The following SLC10A7 variants were observed in gnomAD, a reference collection of about 807,000 sequenced individuals.
The protein encoded by SLC10A7 is solute carrier family 10 member 7.
Under a neutral mutation model 43.2 loss-of-function variants are expected in SLC10A7, and 29 were observed. That is an observed-to-expected ratio of 0.67 (90% CI 0.50 to 0.92). The LOEUF (loss-of-function observed/expected upper bound fraction) is 0.92. Among genes scored for constraint, SLC10A7 ranks in the 40% least tolerant of loss-of-function variants. The probability of loss-of-function intolerance (pLI) is 0.00; values close to 1 mark genes in which losing one functional copy is unlikely to be tolerated. For missense variants in SLC10A7, 295 were observed against 403.2 expected, an observed-to-expected ratio of 0.73 and a Z score of 2.30; for synonymous variants, 152 against 144.8, an observed-to-expected ratio of 1.05 and a Z score of -0.35.
At chr4:146,293,105 A>C in intron 8 of SLC10A7, 125 bp from the exon 9 acceptor site, 1 of 570,036 alleles carries the variant, frequency 1.8e-6, no homozygotes, top group Non-Finnish European at 3.0e-6. Context: ...AAATAAACCA[A>C]ACAAGCATGC....
intron 10 of SLC10A7, among the ~76,000 whole-genome samples, chr4:146,272,276 C>T (rs182886518): frequency 1.2e-4 from 19 of 152,258 alleles, no homozygotes; most frequent in Admixed American, 1.1e-3. Flanking sequence ...TGCTCAGCTT[C>T]GGTACAGATG....
chr4:146,344,098 C>T (rs1330479045), intron 5 of SLC10A7, among the ~76,000 whole-genome samples: 2 of 152,016 alleles, frequency 1.3e-5, no homozygotes, highest in Non-Finnish European at 2.9e-5. Flanking sequence ...ATTACTTTAG[C>T]TTCACCTCAC....
chr4:146,428,902 A>C (rs1729570154), intron 5 of SLC10A7, among the ~76,000 whole-genome samples: 1 of 152,168 alleles, frequency 6.6e-6, no homozygotes, highest in African/African-American at 2.4e-5. Flanking sequence ...TCACACTTGT[A>C]GCCATTTTCC....
At chr4:146,412,679 T>C (rs1728282512) in intron 5 of SLC10A7, among the ~76,000 whole-genome samples, 1 of 152,164 alleles carries the variant, frequency 6.6e-6, no homozygotes, top group Admixed American at 6.5e-5. Flanking sequence ...CAATTTTATA[T>C]GGATGATTTA....
intron 9 of SLC10A7, among the ~76,000 whole-genome samples, chr4:146,291,889 T>C (rs565813962): frequency 2.6e-4 from 40 of 152,296 alleles, no homozygotes; most frequent in South Asian, 1.7e-3. Context: ...CACCTCTTAT[T>C]TGTGGCATTC....
chr4:146,410,888 C>G (rs1728139372), intron 5 of SLC10A7, among the ~76,000 whole-genome samples: 1 of 152,046 alleles, frequency 6.6e-6, no homozygotes, highest in African/African-American at 2.4e-5. Context: ...GGCTGGAGTG[C>G]AATGGCATGA....
chr4:146,372,062 A>C (rs1736820956), intron 5 of SLC10A7, among the ~76,000 whole-genome samples: 1 of 152,150 alleles, frequency 6.6e-6, no homozygotes, highest in Non-Finnish European at 1.5e-5. Context: ...ATGCATCAGA[A>C]TCCCTTAGGG....
chr4:146,368,367 T>G (rs6846294), intron 5 of SLC10A7, among the ~76,000 whole-genome samples: 35,183 of 152,066 alleles, frequency 0.23, 4,447 homozygotes, highest in African/African-American at 0.34. Context: ...GAATAAGAGT[T>G]TGAAAGCTTA....
intron 10 of SLC10A7, 63 bp from the exon 11 acceptor site, chr4:146,258,900 A>G: frequency 6.5e-7 from 1 of 1,533,308 alleles, no homozygotes; most frequent in Non-Finnish European, 8.8e-7. Context: ...TTAAATGCAT[A>G]CTCCATCAAA....
chr4:146,290,475 G>T (rs1274257043), intron 9 of SLC10A7, among the ~76,000 whole-genome samples: 1 of 152,172 alleles, frequency 6.6e-6, no homozygotes, highest in Non-Finnish European at 1.5e-5. Flanking sequence ...GGACAGGGCG[G>T]GGAGGGGGTG....
intron 2 of SLC10A7, chr4:146,515,094 C>T (rs1737819943): frequency 1.4e-6 from 1 of 702,130 alleles, no homozygotes; most frequent in East Asian, 2.7e-5. Flanking sequence ...ATTCTTCCTT[C>T]TTCAACTCCT....
chr4:146,345,674 G>A (rs10027135), intron 5 of SLC10A7, among the ~76,000 whole-genome samples: 20,902 of 152,004 alleles, frequency 0.14, 1,486 homozygotes, highest in Non-Finnish European at 0.15. Flanking sequence ...ATTTATTTGT[G>A]TGATTATTTC....
chr4:146,263,482 GA>G (rs899596503), intron 10 of SLC10A7, among the ~76,000 whole-genome samples: 6 of 150,678 alleles, frequency 4.0e-5, no homozygotes, highest in East Asian at 1.9e-4. Context: ...TTGTTAATTA[GA>G]AAAAAAAAGT....
chr4:146,273,086 G>T (rs962851333), intron 10 of SLC10A7, among the ~76,000 whole-genome samples: 6 of 152,114 alleles, frequency 3.9e-5, no homozygotes, highest in Non-Finnish European at 8.8e-5. Context: ...GAAATTAATA[G>T]GAAACTATGG....
chr4:146,326,986 AG>A (rs1339602606), intron 5 of SLC10A7, among the ~76,000 whole-genome samples: 19 of 152,034 alleles, frequency 1.2e-4, no homozygotes, highest in Admixed American at 5.2e-4. Context: ...AGAGAGAGAG[AG>A]AGAGAGAGAC....
intron 2 of SLC10A7, chr4:146,514,502 G>A (rs979461665): frequency 6.6e-6 from 1 of 152,124 alleles, no homozygotes; most frequent in East Asian, 1.9e-4. Flanking sequence ...TAAAACTGAA[G>A]ACTCAGCATT....
At chr4:146,381,566 A>G (rs1436104156) in intron 5 of SLC10A7, among the ~76,000 whole-genome samples, 1 of 152,082 alleles carries the variant, frequency 6.6e-6, no homozygotes. Context: ...CACCCAGCCA[A>G]AGAAAAATCT....
intron 4 of SLC10A7, among the ~76,000 whole-genome samples, chr4:146,480,355 A>G (rs911797875): frequency 1.3e-5 from 2 of 152,132 alleles, no homozygotes; most frequent in African/African-American, 4.8e-5. Context: ...AGTTTGCTGT[A>G]TTTAAAAAAT....
chr4:146,422,353 G>C (rs1729024216), intron 5 of SLC10A7, among the ~76,000 whole-genome samples: 1 of 152,080 alleles, frequency 6.6e-6, no homozygotes, highest in South Asian at 2.1e-4. Flanking sequence ...ACATAATTTA[G>C]AGGCCATACC....
Sources: allele counts gnomAD v4.1 joint callset (sites outside exome capture counted in the v4.1 genomes callset), GRCh38; gene constraint gnomAD v4.1.1; transcripts MANE v1.5; gene names NCBI Gene and HGNC (gene_info 2026-07-23, HGNC 2026-07-21).